ZNF423: variants seen among roughly 807,000 people sequenced by gnomAD.
ZNF423 encodes Ebf-associated zinc finger protein.
ZNF423 carries 12 observed loss-of-function variants against 95.8 expected under a neutral mutation model. The ratio of observed to expected loss-of-function variants is 0.13; its 90% CI spans 0.08 to 0.20. ZNF423 has a LOEUF of 0.20. Among genes scored for constraint, ZNF423 ranks in the 10% least tolerant of loss-of-function variants. ZNF423 has a pLI of 1.00. For synonymous variants in ZNF423, 749 were observed against 711.9 expected (o/e 1.05, Z -0.83); for missense variants, 1,316 against 1,737.1 (o/e 0.76, Z 4.31).
intron 3 of ZNF423, among the ~76,000 whole-genome samples, chr16:49,712,584 G>C (rs2032577662): frequency 6.6e-6 from 1 of 152,176 alleles, no homozygotes; most frequent in Non-Finnish European, 1.5e-5. Flanking sequence ...CCTCGCTAGG[G>C]ACCTCCTCAG....
At chr16:49,790,783 C>T (rs2143830704) in intron 1 of ZNF423, among the ~76,000 whole-genome samples, 1 of 152,232 alleles carries the variant, frequency 6.6e-6, no homozygotes, top group East Asian at 1.9e-4. Flanking sequence ...TCTGTTTTCC[C>T]ACTTCAAAAA....
chr16:49,835,178 A>C (rs1035395266), intron 1 of ZNF423, among the ~76,000 whole-genome samples: 12 of 152,064 alleles, frequency 7.9e-5, no homozygotes, highest in Non-Finnish European at 1.5e-4. Flanking sequence ...CAGAGCCCCC[A>C]CACCCCATGG....
At chr16:49,852,134 A>G (rs1012705438) in intron 1 of ZNF423, among the ~76,000 whole-genome samples, 1 of 151,994 alleles carries the variant, frequency 6.6e-6, no homozygotes, top group African/African-American at 2.4e-5. Flanking sequence ...AAGTCCCTAG[A>G]CCACCAAATT....
intron 3 of ZNF423, among the ~76,000 whole-genome samples, chr16:49,681,798 C>T (rs1048885363): frequency 5.3e-5 from 8 of 152,080 alleles, no homozygotes; most frequent in African/African-American, 1.9e-4. Context: ...CAGGGACTTG[C>T]TCTGTTACCC....
chr16:49,785,166 T>G (rs2034290966), intron 2 of ZNF423, among the ~76,000 whole-genome samples: 2 of 152,136 alleles, frequency 1.3e-5, no homozygotes, highest in Non-Finnish European at 2.9e-5. Context: ...AACCTCAAAC[T>G]CTTGGGCTCA....
chr16:49,702,907 A>G (rs573436012), intron 3 of ZNF423, among the ~76,000 whole-genome samples: 1,645 of 105,802 alleles, frequency 0.016, 11 homozygotes, highest in Middle Eastern at 0.025. Flanking sequence ...CTGTGTGCAC[A>G]CGCACACACA....
chr16:49,725,719 T>C (rs4785337), intron 3 of ZNF423, among the ~76,000 whole-genome samples: 5,997 of 152,206 alleles, frequency 0.039, 421 homozygotes, highest in African/African-American at 0.14. Context: ...TCGCGGGCAG[T>C]AGGCACTGAA....
chr16:49,831,647 G>A (rs1468869), intron 1 of ZNF423, among the ~76,000 whole-genome samples: 16,963 of 152,188 alleles, frequency 0.11, 1,247 homozygotes, highest in South Asian at 0.21. Flanking sequence ...TTCTCCCAGG[G>A]GACACTTGGG....
At chr16:49,733,764 G>T (rs1436197028) in intron 2 of ZNF423, among the ~76,000 whole-genome samples, 1 of 152,140 alleles carries the variant, frequency 6.6e-6, no homozygotes, top group East Asian at 1.9e-4. Context: ...GCCTGAAGAA[G>T]TTTTGGGGAG....
intron 2 of ZNF423, among the ~76,000 whole-genome samples, chr16:49,737,519 C>A (rs1253982823): frequency 6.6e-6 from 1 of 152,220 alleles, no homozygotes; most frequent in Non-Finnish European, 1.5e-5. Flanking sequence ...CTCGGCCTCC[C>A]GAAGTGCTGG....
At chr16:49,619,122 T>C (rs1236436601) in intron 5 of ZNF423, among the ~76,000 whole-genome samples, 2 of 152,178 alleles carry the variant, frequency 1.3e-5, no homozygotes, top group African/African-American at 4.8e-5. Flanking sequence ...GAGACCCTGA[T>C]TAGGTGTAAC....
intron 3 of ZNF423, among the ~76,000 whole-genome samples, chr16:49,676,189 G>A (rs1423974767): frequency 1.3e-5 from 2 of 152,358 alleles, no homozygotes; most frequent in African/African-American, 4.8e-5. Flanking sequence ...ATGCATCACC[G>A]CAGATTGGAT....
At chr16:49,543,366 A>G (rs1342671605) in intron 5 of ZNF423, among the ~76,000 whole-genome samples, 1 of 151,794 alleles carries the variant, frequency 6.6e-6, no homozygotes, top group Non-Finnish European at 1.5e-5. Context: ...GTGGCAAATC[A>G]TCGGTGCCAG....
intron 5 of ZNF423, among the ~76,000 whole-genome samples, chr16:49,536,775 G>T (rs1436716539): frequency 6.6e-6 from 1 of 152,114 alleles, no homozygotes; most frequent in Non-Finnish European, 1.5e-5. Context: ...TTCCTCAGTT[G>T]CAATAGCTAA....
chr16:49,533,869 A>T (rs1968948285), intron 5 of ZNF423, among the ~76,000 whole-genome samples: 1 of 152,178 alleles, frequency 6.6e-6, no homozygotes, highest in South Asian at 2.1e-4. Context: ...AAGAATATGA[A>T]GCATGACCCC....
chr16:49,810,797 G>A (rs1031985775), intron 1 of ZNF423, among the ~76,000 whole-genome samples: 2 of 152,132 alleles, frequency 1.3e-5, no homozygotes, highest in Non-Finnish European at 2.9e-5. Flanking sequence ...CGGCCCTACC[G>A]GACACTTTCT....
chr16:49,828,332 CT>C (rs748670583), intron 1 of ZNF423, among the ~76,000 whole-genome samples: 17 of 152,314 alleles, frequency 1.1e-4, no homozygotes, highest in South Asian at 2.1e-4. Context: ...TTTTCCTTGG[CT>C]TTTAGGCAAC....
At chr16:49,814,732 G>A (rs946241024) in intron 1 of ZNF423, among the ~76,000 whole-genome samples, 7 of 150,760 alleles carry the variant, frequency 4.6e-5, no homozygotes, top group African/African-American at 1.5e-4. Flanking sequence ...TTTACAGCTC[G>A]ACAGGCCTAG....
At chr16:49,720,905 T>C (rs1359439970) in intron 3 of ZNF423, among the ~76,000 whole-genome samples, 2 of 152,238 alleles carry the variant, frequency 1.3e-5, no homozygotes, top group African/African-American at 2.4e-5. Context: ...GTTGTCTCCC[T>C]GGCCGCATCA....
Sources: allele counts gnomAD v4.1 joint callset (sites outside exome capture counted in the v4.1 genomes callset), GRCh38; gene constraint gnomAD v4.1.1; transcripts MANE v1.5; gene names NCBI Gene and HGNC (gene_info 2026-07-23, HGNC 2026-07-21).